Variants in DNAAF10 observed in about 807,000 individuals in gnomAD.
DNAAF10 encodes the protein WD repeat domain 92.
A neutral mutation model predicts 43.7 loss-of-function variants in DNAAF10; 28 were observed. That is an observed-to-expected ratio of 0.64 (90% CI 0.48 to 0.88). DNAAF10 has a LOEUF of 0.88. DNAAF10 is among the 40% of genes least tolerant of loss of function. The probability of loss-of-function intolerance (pLI) is 0.00; values close to 1 mark genes in which losing one functional copy is unlikely to be tolerated. For synonymous variants in DNAAF10, 156 were observed against 157.3 expected, an observed-to-expected ratio of 0.99 and a Z score of 0.06; for missense variants, 403 against 439.1, an observed-to-expected ratio of 0.92 and a Z score of 0.73.
intron 1 of DNAAF10, among the ~76,000 whole-genome samples, chr2:68,154,878 A>G (rs372406975): frequency 6.6e-6 from 1 of 151,622 alleles, no homozygotes; most frequent in African/African-American, 2.4e-5. Context: ...TCCTCCCACC[A>G]CAGCCTCCCA....
In DNAAF10 at chr2:68,157,464, C is replaced by A; in HGVS notation, c.-21G>T. 1 of 1,613,490 alleles carries A rather than the reference C, an allele frequency of 6.2e-7. No homozygotes were observed. Among genetic ancestry groups the A allele is most frequent in the Non-Finnish European group, 8.5e-7 (1 of 1,179,856 alleles). On this transcript the variant is annotated 5_prime_UTR_variant, in exon 1 of 8. Coordinates refer to ENST00000295121, the MANE Select transcript of DNAAF10 (RefSeq NM_138458.4). ...GACATGGTGCAGCCAATTTCAGCTA[C>A]GGCAACCGCCACACCCAGAGCCCCC... is the stretch of plus-strand genomic sequence containing the variant.
rs1672926197 is a variant in DNAAF10 at position 68,131,292 on chromosome 2, A to G, written c.1020T>C (p.Ser340=). The stretch of plus-strand genomic sequence containing the variant: ...GTACTCTCACCGTTTGGTCAAATGA[A>G]CTACAGACGCAGAGACCCCTTTTAT... The part of the protein sequence containing the change: ...SPDKRGLCVC[S]SFDQTVRVLI... Residue 340 remains serine, a synonymous_variant, in exon 8 of 8, where the codon AGT becomes AGC. Coordinates refer to ENST00000295121, the MANE Select transcript of DNAAF10 (RefSeq NM_138458.4). The G allele has an allele frequency of 6.2e-7, 1 of 1,614,090 alleles. No individual in the cohort carries two copies. The highest frequency in any genetic ancestry group is 8.5e-7 in the Non-Finnish European group (1 of 1,180,008).
chr2:68,154,661 AT>A (rs1297740973), intron 1 of DNAAF10, among the ~76,000 whole-genome samples: 2 of 152,220 alleles, frequency 1.3e-5, no homozygotes, highest in Non-Finnish European at 2.9e-5. Context: ...ACAAAAGAAA[AT>A]TATCTTTTTA....
chr2:68,155,931 T>C (rs1236827528), intron 1 of DNAAF10, among the ~76,000 whole-genome samples: 1 of 151,548 alleles, frequency 6.6e-6, no homozygotes, highest in Non-Finnish European at 1.5e-5. Flanking sequence ...ACCCCATCTC[T>C]ACCAAAATAA....
intron 4 of DNAAF10, among the ~76,000 whole-genome samples, chr2:68,139,487 A>G (rs1223906514): frequency 6.6e-6 from 1 of 152,200 alleles, no homozygotes; most frequent in Non-Finnish European, 1.5e-5. Context: ...AAAGCAGACT[A>G]ACTAATATAA....
intron 7 of DNAAF10, chr2:68,134,307 C>T: frequency 9.8e-7 from 1 of 1,015,332 alleles, no homozygotes; most frequent in Non-Finnish European, 1.2e-6. Context: ...TCCTGGAGAC[C>T]AATCAGCAGC....
intron 6 of DNAAF10, among the ~76,000 whole-genome samples, chr2:68,136,659 G>T (rs1673050364): frequency 1.3e-5 from 2 of 152,138 alleles, no homozygotes; most frequent in African/African-American, 4.8e-5. Context: ...TCTTGTGAAT[G>T]ACAGGACCTT....
chr2:68,133,127 A>C (rs1672959010), intron 7 of DNAAF10, among the ~76,000 whole-genome samples: 1 of 152,228 alleles, frequency 6.6e-6, no homozygotes, highest in South Asian at 2.1e-4. Flanking sequence ...AGGTGCTAGA[A>C]GAAGGGAAAG....
chr2:68,133,645 C>T lies in DNAAF10; in HGVS notation c.866+1057G>A, dbSNP rs578157150. On this transcript the variant is annotated intron_variant, in intron 7 of 7. Coordinates refer to ENST00000295121, the MANE Select transcript of DNAAF10 (RefSeq NM_138458.4). ...GCGGGCACCTGTAATCCTAGTTACTCGGGAGGCTGAGGCAGGAGAACCCCT... is the reference window on the plus strand; with the variant it reads ...GCGGGCACCTGTAATCCTAGTTACTTGGGAGGCTGAGGCAGGAGAACCCCT... Among the ~76,000 whole-genome samples, 395 of 151,940 alleles carry T rather than the reference C, an allele frequency of 2.6e-3. 4 individuals are homozygous for T. The highest frequency in any genetic ancestry group is 9.2e-3 in the African/African-American group (380 of 41,434).
At chr2:68,134,407 A>T in intron 7 of DNAAF10, 2 of 1,144,272 alleles carry the variant, frequency 1.7e-6, no homozygotes, top group Non-Finnish European at 2.1e-6. Flanking sequence ...TGAGTGTTCT[A>T]ATCACTTCAA....
At chr2:68,141,619 T>G (rs901712032) in intron 4 of DNAAF10, 75 bp downstream of exon 4, 7 of 1,336,240 alleles carry the variant, frequency 5.2e-6, no homozygotes, top group Non-Finnish European at 6.4e-6. Context: ...ATAAAGAGAC[T>G]ACTGTGAAAT....
intron 4 of DNAAF10, among the ~76,000 whole-genome samples, 176 bp from the exon 5 acceptor site, chr2:68,139,033 T>A (rs1171574777): frequency 6.6e-6 from 1 of 152,198 alleles, no homozygotes; most frequent in East Asian, 1.9e-4. Context: ...TAATGTGGTA[T>A]CCATTAGTTT....
intron 7 of DNAAF10, chr2:68,134,201 G>T: frequency 1.0e-6 from 1 of 986,544 alleles, no homozygotes; most frequent in Non-Finnish European, 1.2e-6. Context: ...TGATGTTAGC[G>T]CCCTTGGGAT....
chr2:68,139,712 G>A (rs1381008903), intron 4 of DNAAF10, among the ~76,000 whole-genome samples: 1 of 151,514 alleles, frequency 6.6e-6, no homozygotes, highest in Non-Finnish European at 1.5e-5. Context: ...GCTGAGGCAG[G>A]AGAATGGCAT....
At position 68,131,335 on chromosome 2, in the gene DNAAF10, C is replaced by T. The variant is rs1456342312; in HGVS notation, c.977G>A (p.Ser326Asn). The change falls in exon 8 of 8, where the codon AGT (serine) becomes AAT (asparagine). Residue 326 changes from serine to asparagine, a missense_variant. Coordinates refer to ENST00000295121, the MANE Select transcript of DNAAF10 (RefSeq NM_138458.4). ...NVTLSTQPIS[S>N]LDWSPDKRGL... ...CCTTTTATCTGGACTCCAATCCAAA[C>T]TTGAAATGGGCTGGGTGGACAACGT... 2 of 1,614,156 alleles carry T rather than the reference C, an allele frequency of 1.2e-6. No homozygotes were observed. The highest frequency in any genetic ancestry group is 2.2e-5 in the East Asian group (1 of 44,884).
chr2:68,141,562 C>T (rs1007914037), intron 4 of DNAAF10, 132 bp downstream of exon 4: 8 of 757,940 alleles, frequency 1.1e-5, no homozygotes, highest in Admixed American at 6.0e-5. Context: ...TTAACCACCA[C>T]GTGTATTTGC....
At chr2:68,134,648 T>C in intron 7 of DNAAF10, 54 bp downstream of exon 7, 4 of 1,581,134 alleles carry the variant, frequency 2.5e-6, no homozygotes, top group Non-Finnish European at 3.4e-6. Context: ...AATCTAATCC[T>C]ACTTTACACC....
chr2:68,135,247 A>G (rs1056747345), intron 6 of DNAAF10, among the ~76,000 whole-genome samples: 1 of 152,210 alleles, frequency 6.6e-6, no homozygotes, highest in Non-Finnish European at 1.5e-5. Flanking sequence ...AGCAAAACTC[A>G]GCAATAAGTA....
rs1254725576 is a variant in DNAAF10, at chr2:68,138,788, T to C, written c.587A>G (p.Asp196Gly). 1 of 1,614,126 alleles carries C rather than the reference T, an allele frequency of 6.2e-7. No individual in the cohort carries two copies. The highest frequency in any genetic ancestry group is 1.1e-5 in the South Asian group (1 of 91,080). The change falls in exon 5 of 8, where the codon GAT becomes GGT. Residue 196 changes from aspartate to glycine, a missense_variant. Asp to Gly is a moderately conservative substitution (Grantham distance 94). Transcript: ENST00000295121. Reference sequence around the variant, plus strand: ...CCACCGTAATGCCATATTTCTGAGATCAAATAGTTTGATATCCCCATTGTC... The same window carrying C: ...CCACCGTAATGCCATATTTCTGAGACCAAATAGTTTGATATCCCCATTGTC... ...GYDNGDIKLF[D>G]LRNMALRWET...
Sources: gnomAD v4.1 joint callset for allele counts (sites outside exome capture counted in the v4.1 genomes callset) on GRCh38, gnomAD v4.1.1 for gene constraint, MANE v1.5 for transcripts, NCBI Gene and HGNC (gene_info 2026-07-23, HGNC 2026-07-21) for gene names.